The following MBTD1 variants were observed in gnomAD, a reference collection of about 807,000 sequenced individuals.
MBTD1 encodes MBT domain-containing protein 1.
In MBTD1, 24 loss-of-function variants were observed where a neutral mutation model predicts 87.8. That is an observed-to-expected ratio of 0.27 (90% CI 0.20 to 0.38). The LOEUF (loss-of-function observed/expected upper bound fraction) is 0.38, where lower values mean the gene tolerates loss of function less well. Among genes scored for constraint, MBTD1 ranks in the 10% least tolerant of loss-of-function variants. MBTD1 has a pLI of 1.00. For synonymous variants in MBTD1, 237 were observed against 248.6 expected, an observed-to-expected ratio of 0.95 and a Z score of 0.44; for missense variants, 436 against 760.2, an observed-to-expected ratio of 0.57 and a Z score of 5.02.
intron 2 of MBTD1, among the ~76,000 whole-genome samples, chr17:51,244,646 G>A (rs1199297991): frequency 6.6e-6 from 1 of 152,138 alleles, no homozygotes; most frequent in Non-Finnish European, 1.5e-5. Context: ...GGCCTCAAGT[G>A]ATCTGCCCCA....
At chr17:51,255,852 G>A (rs781524612) in intron 2 of MBTD1, among the ~76,000 whole-genome samples, 2 of 152,056 alleles carry the variant, frequency 1.3e-5, no homozygotes, top group African/African-American at 2.4e-5. Context: ...CCTGTCCTGG[G>A]CTCTCAAAGT....
At chr17:51,247,441 CTT>C (rs58720477) in intron 2 of MBTD1, among the ~76,000 whole-genome samples, 3 of 132,038 alleles carry the variant, frequency 2.3e-5, no homozygotes, top group African/African-American at 5.9e-5. Context: ...ATCAGTATTA[CTT>C]TTTTTTTTTT....
chr17:51,247,043 A>T (rs2054479097), intron 2 of MBTD1, among the ~76,000 whole-genome samples: 1 of 152,186 alleles, frequency 6.6e-6, no homozygotes, highest in Non-Finnish European at 1.5e-5. Context: ...GTGTTTCTTA[A>T]TAAGATTCTG....
chr17:51,228,826 AG>A (rs2143786985), intron 2 of MBTD1, among the ~76,000 whole-genome samples: 1 of 137,394 alleles, frequency 7.3e-6, no homozygotes, highest in Non-Finnish European at 1.5e-5. Context: ...TGAACCCGGG[AG>A]GCAGAGATTG....
At chr17:51,206,045 C>T (rs2051810419) in intron 7 of MBTD1, among the ~76,000 whole-genome samples, 1 of 152,070 alleles carries the variant, frequency 6.6e-6, no homozygotes, top group Admixed American at 6.6e-5. Flanking sequence ...TGGTAGTAGT[C>T]AACATTTGGC....
intron 2 of MBTD1, among the ~76,000 whole-genome samples, chr17:51,248,871 A>G (rs8064608): frequency 0.62 from 93,868 of 151,980 alleles, 29,473 homozygotes; most frequent in African/African-American, 0.73. Flanking sequence ...TTGCTTTTTG[A>G]ATTTGTTTTT....
chr17:51,230,698 G>A (rs2053500096), intron 2 of MBTD1, among the ~76,000 whole-genome samples: 1 of 151,558 alleles, frequency 6.6e-6, no homozygotes, highest in Non-Finnish European at 1.5e-5. Flanking sequence ...CACACTCGGA[G>A]GCCAGTGTGG....
intron 2 of MBTD1, among the ~76,000 whole-genome samples, chr17:51,252,155 A>T (rs1429026747): frequency 1.3e-5 from 2 of 152,170 alleles, no homozygotes; most frequent in African/African-American, 4.8e-5. Context: ...TCAGCACTTA[A>T]ATCTGTAGCA....
At chr17:51,234,297 A>C (rs761242004) in intron 2 of MBTD1, among the ~76,000 whole-genome samples, 2 of 151,498 alleles carry the variant, frequency 1.3e-5, no homozygotes, top group Non-Finnish European at 2.9e-5. Context: ...GGAGGCTGAG[A>C]AAGGAAAATC....
intron 8 of MBTD1, among the ~76,000 whole-genome samples, chr17:51,203,528 C>G (rs2051618221): frequency 6.6e-6 from 1 of 152,080 alleles, no homozygotes; most frequent in Admixed American, 6.6e-5. Context: ...GATTCTTCTG[C>G]CTCAGCCTCC....
chr17:51,212,276 T>C (rs1039968936), intron 6 of MBTD1, among the ~76,000 whole-genome samples: 1 of 151,432 alleles, frequency 6.6e-6, no homozygotes, highest in African/African-American at 2.4e-5. Context: ...GAGAATTGAT[T>C]GAACCCGGGA....
intron 12 of MBTD1, among the ~76,000 whole-genome samples, chr17:51,198,168 C>G (rs142900763): frequency 1.3e-5 from 2 of 152,314 alleles, no homozygotes; most frequent in Non-Finnish European, 2.9e-5. Flanking sequence ...TTCCACAACT[C>G]CACCTCAACT....
At chr17:51,180,989 G>A (rs2050279858) in intron 16 of MBTD1, among the ~76,000 whole-genome samples, 1 of 150,654 alleles carries the variant, frequency 6.6e-6, no homozygotes, top group Non-Finnish European at 1.5e-5. Flanking sequence ...TACAAACAAT[G>A]ATGTAGTTCT....
Position 51,179,498 on chromosome 17 carries a change from A to ATTTT in MBTD1, c.*1077_*1078insAAAA, listed in dbSNP as rs1334745989. The ATTTT allele has an allele frequency of 0.017, 994 of 58,098 alleles. 59 individuals are homozygous for ATTTT. Among genetic ancestry groups the ATTTT allele is most frequent in the Non-Finnish European group, 0.022 (555 of 25,094 alleles). 3.6% of individuals were successfully genotyped at this position (58,098 alleles called of 1,614,324 possible). On this transcript the variant is annotated 3_prime_UTR_variant, in exon 17 of 17. Transcript: ENST00000586178. Reference sequence around the variant, plus strand: ...TAAAGACAATTTTATATATATATATATATATATATATATATATATATATAT... The same window carrying ATTTT: ...TAAAGACAATTTTATATATATATATATTTTTATATATATATATATATATATATAT...
chr17:51,227,965 A>G (rs2053326153), intron 2 of MBTD1, among the ~76,000 whole-genome samples: 1 of 152,110 alleles, frequency 6.6e-6, no homozygotes, highest in East Asian at 1.9e-4. Context: ...AAAAAAAAAA[A>G]AAAAGAAAAT....
At chr17:51,204,257 C>CTT (rs2051671902) in intron 7 of MBTD1, among the ~76,000 whole-genome samples, 1 of 151,922 alleles carries the variant, frequency 6.6e-6, no homozygotes, top group Non-Finnish European at 1.5e-5. Context: ...CCCATAATTT[C>CTT]TTTTTCTTTT....
intron 2 of MBTD1, among the ~76,000 whole-genome samples, chr17:51,230,136 T>A (rs2053470138): frequency 6.6e-6 from 1 of 152,202 alleles, no homozygotes; most frequent in Admixed American, 6.5e-5. Flanking sequence ...AAATCAAAGG[T>A]ATTTTCAAAG....
intron 2 of MBTD1, among the ~76,000 whole-genome samples, chr17:51,230,166 C>T (rs1438771752): frequency 6.6e-6 from 1 of 152,076 alleles, no homozygotes; most frequent in Non-Finnish European, 1.5e-5. Context: ...TTGCTACAAT[C>T]AGAAGATCTA....
intron 12 of MBTD1, among the ~76,000 whole-genome samples, chr17:51,196,833 A>G (rs2051134803): frequency 6.6e-6 from 1 of 151,750 alleles, no homozygotes; most frequent in East Asian, 2.0e-4. Flanking sequence ...CAGAGGCTGC[A>G]GTGAGCCGAG....
Sources: gnomAD v4.1 joint callset for allele counts (sites outside exome capture counted in the v4.1 genomes callset) on GRCh38, gnomAD v4.1.1 for gene constraint, MANE v1.5 for transcripts, NCBI Gene and HGNC (gene_info 2026-07-23, HGNC 2026-07-21) for gene names.